The following PPFIA2 variants were observed in gnomAD, a reference collection of about 807,000 sequenced individuals.
The protein encoded by PPFIA2 is liprin-alpha-2.
Under a neutral mutation model 175.5 loss-of-function variants are expected in PPFIA2, and 46 were observed. The ratio of observed to expected loss-of-function variants is 0.26; its 90% CI spans 0.21 to 0.34. PPFIA2 has a LOEUF of 0.34. Ranked by LOEUF, PPFIA2 falls within the 10% of genes least tolerant of loss-of-function variation. The probability of loss-of-function intolerance (pLI) is 1.00; values close to 1 mark genes in which losing one functional copy is unlikely to be tolerated. For missense variants in PPFIA2, 1,179 were observed against 1,506.1 expected, an observed-to-expected ratio of 0.78 and a Z score of 3.60; for synonymous variants, 568 against 511.4, an observed-to-expected ratio of 1.11 and a Z score of -1.49.
chr12:81,628,604 C>T (rs2063003184), intron 4 of PPFIA2, among the ~76,000 whole-genome samples: 1 of 152,138 alleles, frequency 6.6e-6, no homozygotes, highest in Non-Finnish European at 1.5e-5. Flanking sequence ...GTTTCGAACT[C>T]CTGACCTCAA....
At chr12:81,552,102 CAAT>C (rs1459018631) in intron 4 of PPFIA2, among the ~76,000 whole-genome samples, 1 of 151,308 alleles carries the variant, frequency 6.6e-6, no homozygotes, top group African/African-American at 2.4e-5. Context: ...TATATAATTT[CAAT>C]AATATTTATC....
intron 4 of PPFIA2, among the ~76,000 whole-genome samples, chr12:81,511,825 A>T (rs1425028091): frequency 6.6e-6 from 1 of 152,060 alleles, no homozygotes; most frequent in African/African-American, 2.4e-5. Flanking sequence ...AACTGAATAG[A>T]CCAAACATTT....
chr12:81,418,163 C>A (rs992727525), intron 7 of PPFIA2, among the ~76,000 whole-genome samples: 2 of 151,796 alleles, frequency 1.3e-5, no homozygotes, highest in African/African-American at 4.8e-5. Context: ...AGCAGAATGA[C>A]TTAGGGAGAA....
rs1240981841 is a variant in PPFIA2 at position 81,640,846 on chromosome 12, G to A, written c.303+35945C>T. The stretch of plus-strand genomic sequence containing the variant: ...TTCATAATGCTCCTAATCACCCAAT[G>A]AGCTAGCAACCATCATTTACAGTTT... On this transcript the variant is annotated intron_variant, in intron 4 of 32. Transcript: ENST00000549396. 2.0e-5 allele frequency among the ~76,000 whole-genome samples: 3 copies of A among 151,816 alleles called. No homozygotes were observed. The East Asian group carries it at 5.8e-4, about 29-fold the overall frequency.
chr12:81,681,908 C>A (rs1406741476), intron 3 of PPFIA2, among the ~76,000 whole-genome samples: 1 of 152,004 alleles, frequency 6.6e-6, no homozygotes, highest in Admixed American at 6.6e-5. Flanking sequence ...GCATATCCCA[C>A]AAGACCCAAG....
intron 3 of PPFIA2, among the ~76,000 whole-genome samples, chr12:81,692,550 T>C (rs1334360270): frequency 6.6e-6 from 1 of 152,156 alleles, no homozygotes; most frequent in East Asian, 1.9e-4. Flanking sequence ...AAAAATATTT[T>C]ACAGGTTGAA....
intron 3 of PPFIA2, among the ~76,000 whole-genome samples, chr12:81,707,735 C>T (rs12367491): frequency 0.18 from 26,450 of 150,570 alleles, 2,556 homozygotes; most frequent in Middle Eastern, 0.26. Context: ...ATGTTTATTG[C>T]GGCACTATTC....
At chr12:81,615,647 T>A (rs1567583513) in intron 4 of PPFIA2, among the ~76,000 whole-genome samples, 3 of 152,020 alleles carry the variant, frequency 2.0e-5, no homozygotes, top group Non-Finnish European at 4.4e-5. Context: ...GAACTGACCA[T>A]CAGATTCAAC....
chr12:81,365,743 T>C (rs777849511), intron 14 of PPFIA2, among the ~76,000 whole-genome samples: 25 of 151,754 alleles, frequency 1.6e-4, no homozygotes, highest in Non-Finnish European at 3.2e-4. Flanking sequence ...ATCTCTGTGT[T>C]GTTTTTGTGA....
intron 3 of PPFIA2, among the ~76,000 whole-genome samples, chr12:81,740,217 A>T (rs370684427): frequency 6.6e-6 from 1 of 152,172 alleles, no homozygotes; most frequent in African/African-American, 2.4e-5. Flanking sequence ...CCTTATTATG[A>T]GTATTTTTTA....
intron 4 of PPFIA2, among the ~76,000 whole-genome samples, chr12:81,524,483 T>C (rs1431981382): frequency 6.6e-6 from 1 of 152,168 alleles, no homozygotes; most frequent in Non-Finnish European, 1.5e-5. Flanking sequence ...ATTTCTTCTT[T>C]CCTATTTCTT....
At position 81,445,737 on chromosome 12, in the gene PPFIA2, A is replaced by C. The variant is rs747045019; in HGVS notation, c.406-17T>G. 1 of 1,605,572 alleles carries C rather than the reference A, an allele frequency of 6.2e-7. No individual in the cohort carries two copies. Among genetic ancestry groups the C allele is most frequent in the South Asian group, 1.1e-5 (1 of 89,722 alleles). On this transcript the variant is annotated splice_polypyrimidine_tract_variant and intron_variant, in intron 5 of 32. Transcript: ENST00000549396. ...CAGTAATAGCTATTGGGTTTAACAGAAAATGCAATTATCTTATGAATACAA... is the reference window on the plus strand; with the variant it reads ...CAGTAATAGCTATTGGGTTTAACAGCAAATGCAATTATCTTATGAATACAA...
chr12:81,405,953 A>G (rs2042860350), intron 7 of PPFIA2, 50 bp from the exon 8 acceptor site: 16 of 1,056,756 alleles, frequency 1.5e-5, no homozygotes, highest in Non-Finnish European at 2.1e-5. Context: ...GGAATAAAAT[A>G]TAAAAAGAAA....
In PPFIA2 at chr12:81,743,944, A is replaced by C. The variant is rs183679678; in HGVS notation, c.249+10029T>G. ...GTTGAATAAATAGTAATTATTTATGAAATGGTTATGATAAAATTAATACAT... is the reference window on the plus strand; with the variant it reads ...GTTGAATAAATAGTAATTATTTATGCAATGGTTATGATAAAATTAATACAT... On this transcript the variant is annotated intron_variant, in intron 3 of 32. Transcript: ENST00000549396. 5.9e-5 allele frequency among the ~76,000 whole-genome samples: 9 copies of C among 152,368 alleles called. No individual in the cohort carries two copies. In the East Asian group the frequency reaches 1.3e-3, roughly 23 times the overall value.
intron 4 of PPFIA2, among the ~76,000 whole-genome samples, chr12:81,537,298 C>T (rs2065541951): frequency 6.6e-6 from 1 of 151,728 alleles, no homozygotes. Context: ...TCTCACAAAT[C>T]CTCCCCACTG....
chr12:81,339,219 A>G lies in PPFIA2; in HGVS notation c.2509T>C (p.Leu837=). Residue 837 remains leucine, a synonymous_variant, in exon 21 of 33, where the codon TTG becomes CTG. Coordinates refer to ENST00000549396, the MANE Select transcript of PPFIA2 (RefSeq NM_003625.5). ...CGAGCTTTTTCTTTTTTACCAAACAAACGTCCTATTGAAGACTTGATTCCT... is the reference window on the plus strand; with the variant it reads ...CGAGCTTTTTCTTTTTTACCAAACAGACGTCCTATTGAAGACTTGATTCCT... ...KKGIKSSIGR[L]FGKKEKARLG... The G allele has an allele frequency of 6.8e-6, 11 of 1,606,484 alleles. No homozygotes were observed. Among genetic ancestry groups the G allele is most frequent in the Non-Finnish European group, 8.5e-6 (10 of 1,176,398 alleles).
At chr12:81,452,580 CATAA>C (rs1250149470) in intron 5 of PPFIA2, among the ~76,000 whole-genome samples, 1 of 152,160 alleles carries the variant, frequency 6.6e-6, no homozygotes, top group Non-Finnish European at 1.5e-5. Context: ...ATAGAACTTT[CATAA>C]ATAACTATAT....
chr12:81,480,574 G>A (rs1365065337), intron 4 of PPFIA2, among the ~76,000 whole-genome samples: 1 of 152,172 alleles, frequency 6.6e-6, no homozygotes, highest in Non-Finnish European at 1.5e-5. Flanking sequence ...TGATGTTGGT[G>A]ACCTTCGGAT....
At chr12:81,374,551 T>C (rs1170670326) in intron 11 of PPFIA2, 83 bp downstream of exon 11, 11 of 1,442,838 alleles carry the variant, frequency 7.6e-6, no homozygotes, top group Non-Finnish European at 1.0e-5. Flanking sequence ...ATAAAGCCTA[T>C]AGAAAATCTT....
Sources: gnomAD v4.1 joint callset for allele counts (sites outside exome capture counted in the v4.1 genomes callset) on GRCh38, gnomAD v4.1.1 for gene constraint, MANE v1.5 for transcripts, NCBI Gene and HGNC (gene_info 2026-07-23, HGNC 2026-07-21) for gene names.